Variants in IL1RAPL1 observed in about 807,000 individuals in gnomAD.
The protein encoded by IL1RAPL1 is interleukin 1 receptor accessory protein like 1, also known as interleukin-1 receptor accessory protein-like 1.
In IL1RAPL1, 3 loss-of-function variants were observed where a neutral mutation model predicts 48.4. The ratio of observed to expected loss-of-function variants is 0.06; its 90% confidence interval spans 0.03 to 0.16. The LOEUF (loss-of-function observed/expected upper bound fraction) is 0.16. IL1RAPL1 is among the 10% of genes least tolerant of loss of function. The pLI is 1.00. For missense variants in IL1RAPL1, 349 were observed against 530.6 expected (o/e 0.66, Z 3.36); for synonymous variants, 185 against 187.7 (o/e 0.99, Z 0.12).
At position 29,689,720 on chromosome X, in the gene IL1RAPL1, G is replaced by A. The variant is rs1376532743; in HGVS notation, c.778+21216G>A. ...ATGTTGGCTTTTGGAGTGGGCAACT[G>A]TTGTAGCCAACTGAAGAAATTCAGC... On this transcript the variant is annotated intron_variant, in intron 6 of 10. Transcript: ENST00000378993. 7.1e-5 allele frequency among the ~76,000 whole-genome samples: 8 copies of A among 112,351 alleles called. 1 individual carries two copies. In the South Asian group the frequency reaches 1.8e-3, roughly 26 times the overall value.
chrX:29,570,949 C>T (rs762544164), intron 5 of IL1RAPL1, among the ~76,000 whole-genome samples: 1 of 112,531 alleles, frequency 8.9e-6, no homozygotes, highest in East Asian at 2.8e-4. Flanking sequence ...TAGCCAGGCG[C>T]GGTGGCTCAC....
intron 5 of IL1RAPL1, among the ~76,000 whole-genome samples, chrX:29,600,688 G>A (rs1324739367): frequency 9.0e-6 from 1 of 111,172 alleles, no homozygotes; most frequent in Non-Finnish European, 1.9e-5. Flanking sequence ...CCACCAGGTG[G>A]GGGGCAGGGA....
At position 28,609,002 on chromosome X, in the gene IL1RAPL1, C is replaced by T. The variant is rs139142715; in HGVS notation, c.-25+20955C>T. ...ATGGACGGTATTAAATTCAGACTGG[C>T]ATTAAGATGTGAATGTTTTAAATAA... is the stretch of plus-strand genomic sequence containing the variant. On this transcript the variant is annotated intron_variant, in intron 1 of 10. Coordinates refer to ENST00000378993, the MANE Select transcript of IL1RAPL1 (RefSeq NM_014271.4). 9.8e-5 allele frequency among the ~76,000 whole-genome samples: 11 copies of T among 111,703 alleles called. No homozygotes were observed. The East Asian group carries it at 3.1e-3, about 31-fold the overall frequency.
At chrX:29,802,180 C>T (rs1195993839) in intron 6 of IL1RAPL1, among the ~76,000 whole-genome samples, 14 of 111,739 alleles carry the variant, frequency 1.3e-4, no homozygotes, top group Non-Finnish European at 2.4e-4. Context: ...GGAAAAAAAT[C>T]GGCATGGAGC....
Position 28,608,275 on chromosome X carries a change from A to T in IL1RAPL1, c.-25+20228A>T, listed in dbSNP as rs1934108207. ...CTTTGATTTGAAATCCAGTTCTTTT[A>T]TATATATATTTGAGTACAGAGCTGG... On this transcript the variant is annotated intron_variant, in intron 1 of 10. Coordinates refer to ENST00000378993, the MANE Select transcript of IL1RAPL1 (RefSeq NM_014271.4). Among the ~76,000 whole-genome samples, 3 of 111,465 alleles carry T rather than the reference A, an allele frequency of 2.7e-5. No individual in the cohort carries two copies. In the South Asian group the frequency reaches 1.1e-3, roughly 42 times the overall value.
rs1009674117 is a variant in IL1RAPL1, at chrX:29,517,396, G to A, written c.703+118088G>A. Among the ~76,000 whole-genome samples, 13 of 108,257 alleles carry A rather than the reference G, an allele frequency of 1.2e-4. 1 individual carries two copies. The highest frequency in any genetic ancestry group is 4.4e-4 in the African/African-American group (13 of 29,683). The allele number at this position is 108,257 out of a possible 115,157, so 94.0% of individuals were successfully genotyped here. On this transcript the variant is annotated intron_variant, in intron 5 of 10. Transcript: ENST00000378993. The stretch of plus-strand genomic sequence containing the variant: ...TTTAAGGTTTTTAATTTCAGCTATC[G>A]ACCTAAACATGCATAAACTACCTTT...
intron 6 of IL1RAPL1, among the ~76,000 whole-genome samples, chrX:29,857,014 A>G (rs1931489926): frequency 9.0e-6 from 1 of 111,553 alleles, no homozygotes; most frequent in Non-Finnish European, 1.9e-5. Flanking sequence ...ACTGTCTGCA[A>G]TGGCATAGTT....
chrX:29,014,061 C>T (rs1368006273), intron 2 of IL1RAPL1, among the ~76,000 whole-genome samples: 1 of 111,772 alleles, frequency 8.9e-6, no homozygotes, highest in Non-Finnish European at 1.9e-5. Flanking sequence ...AGAAAACCTG[C>T]ACCAGAGAGG....
At chrX:28,832,242 A>G (rs1278782382) in intron 2 of IL1RAPL1, among the ~76,000 whole-genome samples, 1 of 110,492 alleles carries the variant, frequency 9.1e-6, no homozygotes, top group Non-Finnish European at 1.9e-5. Flanking sequence ...AAACCTCTCC[A>G]TATCCTCCCT....
At chrX:29,887,237 A>G (rs1357897269) in intron 6 of IL1RAPL1, among the ~76,000 whole-genome samples, 1 of 112,507 alleles carries the variant, frequency 8.9e-6, no homozygotes, top group Non-Finnish European at 1.9e-5. Flanking sequence ...TCCTCAAATC[A>G]TAGGAACATG....
At chrX:28,879,441 C>T (rs1445536187) in intron 2 of IL1RAPL1, among the ~76,000 whole-genome samples, 2 of 110,579 alleles carry the variant, frequency 1.8e-5, no homozygotes, top group African/African-American at 6.6e-5. Flanking sequence ...TAATAATAAA[C>T]CACATTGTCA....
chrX:29,218,501 T>G (rs1454104824), intron 2 of IL1RAPL1, among the ~76,000 whole-genome samples: 1 of 111,904 alleles, frequency 8.9e-6, no homozygotes, highest in Non-Finnish European at 1.9e-5. Context: ...ACAATGCAAC[T>G]GATGTTGAGC....
chrX:29,731,746 C>T (rs1288374032), intron 6 of IL1RAPL1, among the ~76,000 whole-genome samples: 1 of 112,112 alleles, frequency 8.9e-6, no homozygotes, highest in Non-Finnish European at 1.9e-5. Context: ...TTCTGTCTTC[C>T]TCACTTACTA....
intron 5 of IL1RAPL1, among the ~76,000 whole-genome samples, chrX:29,399,920 T>C (rs994839082): frequency 5.4e-5 from 6 of 112,044 alleles, no homozygotes; most frequent in African/African-American, 1.9e-4. Context: ...AATGGTATCG[T>C]TTTTGGAAAC....
chrX:29,381,825 AAAAAAAAAATATATATAT>A lies in IL1RAPL1; in HGVS notation c.363-14431_363-14414del, dbSNP rs1436594361. Among the ~76,000 whole-genome samples the A allele has an allele frequency of 3.7e-3, 213 of 57,629 alleles. 1 individual carries two copies. The highest frequency in any genetic ancestry group is 7.9e-3 in the Middle Eastern group (1 of 127). The allele number at this position is 57,629 out of a possible 115,157, so 50.0% of individuals were successfully genotyped here. ...AGCAAGACTGTTGCCAAAAAAAAAA[AAAAAAAAAATATATATAT>A]ATATATATATATATATATATACATA... On this transcript the variant is annotated intron_variant, in intron 3 of 10. Coordinates refer to ENST00000378993, the MANE Select transcript of IL1RAPL1 (RefSeq NM_014271.4).
intron 5 of IL1RAPL1, among the ~76,000 whole-genome samples, chrX:29,584,013 A>T (rs762677211): frequency 3.6e-5 from 4 of 111,362 alleles, no homozygotes; most frequent in Admixed American, 1.9e-4. Flanking sequence ...AGAGTCTAAG[A>T]TTGCTCCTCT....
chrX:29,101,591 C>T (rs1928339110), intron 2 of IL1RAPL1, among the ~76,000 whole-genome samples: 2 of 111,388 alleles, frequency 1.8e-5, no homozygotes, highest in African/African-American at 6.5e-5. Context: ...AACATTGGTG[C>T]AAAAATCCTC....
intron 2 of IL1RAPL1, among the ~76,000 whole-genome samples, chrX:29,276,872 G>T (rs1201573705): frequency 9.0e-6 from 1 of 111,238 alleles, no homozygotes; most frequent in East Asian, 2.8e-4. Flanking sequence ...TAGCTAGGCA[G>T]ATATAGAAAT....
At chrX:29,178,462 T>C (rs948988622) in intron 2 of IL1RAPL1, among the ~76,000 whole-genome samples, 1 of 112,052 alleles carries the variant, frequency 8.9e-6, no homozygotes, top group Non-Finnish European at 1.9e-5. Flanking sequence ...TTCTTGAAAA[T>C]TTGTTCAAGT....
Sources: gnomAD v4.1 joint callset for allele counts (sites outside exome capture counted in the v4.1 genomes callset) on GRCh38, gnomAD v4.1.1 for gene constraint, MANE v1.5 for transcripts, NCBI Gene and HGNC (gene_info 2026-07-23, HGNC 2026-07-21) for gene names.